NIPA2: variants seen among roughly 807,000 people sequenced by gnomAD.
NIPA2 encodes magnesium transporter NIPA2.
Under a neutral mutation model 29.7 loss-of-function variants are expected in NIPA2, and 11 were observed. The observed-to-expected ratio is 0.37, with a 90% CI of 0.23 to 0.61. NIPA2 has a LOEUF of 0.61. Ranked by LOEUF, NIPA2 falls within the 20% of genes least tolerant of loss-of-function variation. NIPA2 has a pLI of 0.66. For missense variants in NIPA2, 426 were observed against 437.9 expected (o/e 0.97, Z 0.24); for synonymous variants, 183 against 161.9 (o/e 1.13, Z -0.99).
At chr15:22,841,444 G>A (rs961646097) in intron 2 of NIPA2, among the ~76,000 whole-genome samples, 2 of 152,184 alleles carry the variant, frequency 1.3e-5, no homozygotes, top group African/African-American at 2.4e-5. Context: ...TAAATGGGTT[G>A]CAGATCTGTT....
intron 7 of NIPA2, among the ~76,000 whole-genome samples, chr15:22,861,612 A>T (rs547114464): frequency 1.3e-5 from 2 of 152,214 alleles, no homozygotes; most frequent in South Asian, 2.1e-4. Context: ...TTTATCCCTT[A>T]TCTTTTATAT....
rs947991198 is a variant in NIPA2 at position 22,866,662 on chromosome 15, A to G, written c.898A>G (p.Lys300Glu). The change falls in exon 8 of 8, where the codon AAA becomes GAA. Residue 300 changes from lysine to glutamate, a missense_variant. Physicochemically the swap from Lys to Glu is moderately conservative, Grantham distance 56. Transcript: ENST00000337451. The part of the protein sequence containing the change: ...IVGIFLLHAF[K>E]DVSFSLASLP... ...GGGGATATTCTTGTTGCATGCCTTTAAAGACGTCAGCTTTAGTCTAGCAAG... is the reference window on the plus strand; with the variant it reads ...GGGGATATTCTTGTTGCATGCCTTTGAAGACGTCAGCTTTAGTCTAGCAAG... The G allele has an allele frequency of 6.2e-6, 10 of 1,614,106 alleles. No individual in the cohort carries two copies. Among genetic ancestry groups the G allele is most frequent in the South Asian group, 1.1e-5 (1 of 91,086 alleles).
At chr15:22,858,990 A>G (rs748116237) in intron 6 of NIPA2, among the ~76,000 whole-genome samples, 8 of 152,118 alleles carry the variant, frequency 5.3e-5, no homozygotes, top group Non-Finnish European at 8.8e-5. Flanking sequence ...CCAGCCTAAC[A>G]TGGTAAAACC....
At chr15:22,862,049 C>CTCTCTTTTTT (rs1555387456) in intron 7 of NIPA2, among the ~76,000 whole-genome samples, 1 of 103,978 alleles carries the variant, frequency 9.6e-6, no homozygotes, top group Non-Finnish European at 1.8e-5. Flanking sequence ...ATGGGTCTCT[C>CTCTCTTTTTT]TTTTTTTTTT....
chr15:22,843,300 C>T (rs976683082), intron 2 of NIPA2, among the ~76,000 whole-genome samples: 4 of 151,878 alleles, frequency 2.6e-5, no homozygotes, highest in Non-Finnish European at 2.9e-5. Flanking sequence ...GTCAGGAGAT[C>T]GAGACCATCC....
chr15:22,860,908 TGTC>T (rs1247076187), intron 7 of NIPA2, 119 bp downstream of exon 7: 20 of 685,498 alleles, frequency 2.9e-5, no homozygotes, highest in East Asian at 5.9e-5. Flanking sequence ...AAGAACAAAT[TGTC>T]GTCATGTTCC....
rs770194298 is a variant in NIPA2 at position 22,851,670 on chromosome 15, C to T, written c.-62C>T. 1.7e-5 allele frequency: 24 copies of T among 1,419,788 alleles called. No homozygotes were observed. The highest frequency in any genetic ancestry group is 2.3e-5 in the Non-Finnish European group (24 of 1,036,994). 87.9% of individuals were successfully genotyped at this position (1,419,788 alleles called of 1,614,324 possible). On this transcript the variant is annotated 5_prime_UTR_variant, in exon 4 of 8. Coordinates refer to ENST00000337451, the MANE Select transcript of NIPA2 (RefSeq NM_030922.7). ...AGACTGCTTCATTCTGCCTCTAGTA[C>T]CAGCGGTTTCTCTGTTCTGTGATCA...
intron 4 of NIPA2, among the ~76,000 whole-genome samples, chr15:22,852,787 A>G (rs944809173): frequency 2.0e-5 from 3 of 152,166 alleles, no homozygotes; most frequent in African/African-American, 7.2e-5. Flanking sequence ...TCCTGGCTTC[A>G]TTTTTAGACC....
At chr15:22,853,122 G>C in intron 4 of NIPA2, 90 bp from the exon 5 acceptor site, 1 of 841,950 alleles carries the variant, frequency 1.2e-6, no homozygotes, top group Non-Finnish European at 2.0e-6. Context: ...GAGTAACTGA[G>C]ATATTTAAAA....
chr15:22,855,248 TAA>T (rs35274041), intron 5 of NIPA2, among the ~76,000 whole-genome samples: 5 of 148,446 alleles, frequency 3.4e-5, no homozygotes, highest in Non-Finnish European at 6.0e-5. Context: ...TCGTCTCTAG[TAA>T]AAAAAAAAAC....
At chr15:22,849,704 C>T (rs917324098) in intron 3 of NIPA2, among the ~76,000 whole-genome samples, 17 of 151,954 alleles carry the variant, frequency 1.1e-4, no homozygotes, top group African/African-American at 3.9e-4. Flanking sequence ...GAACTACAGG[C>T]GCCTGCCACC....
chr15:22,841,564 A>G (rs534258918), intron 2 of NIPA2, among the ~76,000 whole-genome samples: 1 of 152,094 alleles, frequency 6.6e-6, no homozygotes, highest in African/African-American at 2.4e-5. Context: ...GCTAGAGTGC[A>G]GCTGTGCGAT....
chr15:22,859,290 CTTTTTTTTTTTT>C (rs60644942), intron 6 of NIPA2, among the ~76,000 whole-genome samples: 2 of 97,342 alleles, frequency 2.1e-5, no homozygotes, highest in Admixed American at 1.3e-4. Flanking sequence ...ATTTCTTTTT[CTTTTTTTTTTTT>C]TTTTTTTTGA....
Position 22,867,395 on chromosome 15 carries a change from A to C in NIPA2, c.*548A>C. 4 of 386,144 alleles carry C rather than the reference A, an allele frequency of 1.0e-5. No individual in the cohort carries two copies. The highest frequency in any genetic ancestry group is 4.6e-6 in the Non-Finnish European group (1 of 219,240). 23.9% of individuals were successfully genotyped at this position (386,144 alleles called of 1,614,324 possible). A position where few individuals can be genotyped will look rare whatever the true frequency, so the allele number is the denominator to read the frequency against. Reference sequence around the variant, plus strand: ...GGAACCTCTTTCTTACAAAACAAAAAAAAGGGCAGAAATCACCCCAAGGAA... The same window carrying C: ...GGAACCTCTTTCTTACAAAACAAAACAAAGGGCAGAAATCACCCCAAGGAA... On this transcript the variant is annotated 3_prime_UTR_variant, in exon 8 of 8. Transcript: ENST00000337451.
In NIPA2 at chr15:22,866,532, T is replaced by C; in HGVS notation, c.768T>C (p.Phe256=). 6.2e-7 allele frequency: 1 copy of C among 1,613,968 alleles called. No homozygotes were observed. Among genetic ancestry groups the C allele is most frequent in the Non-Finnish European group, 8.5e-7 (1 of 1,179,804 alleles). The change falls in exon 8 of 8, where the codon TTT becomes TTC. Residue 256 remains phenylalanine, a synonymous_variant. Transcript: ENST00000337451. ...TGACTCCAATATATTATGTATTCTTTACAACATCAGTTTTAACTTGTTCAG... is the reference window on the plus strand; with the variant it reads ...TGACTCCAATATATTATGTATTCTTCACAACATCAGTTTTAACTTGTTCAG... The part of the protein sequence containing the change: ...SIVTPIYYVF[F]TTSVLTCSAI...
intron 7 of NIPA2, among the ~76,000 whole-genome samples, chr15:22,865,338 T>C (rs930980176): frequency 1.6e-4 from 25 of 151,836 alleles, no homozygotes; most frequent in African/African-American, 5.1e-4. Flanking sequence ...TACAAAAAAT[T>C]AGCTGGGCGT....
intron 7 of NIPA2, among the ~76,000 whole-genome samples, chr15:22,865,596 G>A (rs1226030868): frequency 2.0e-5 from 3 of 152,112 alleles, no homozygotes; most frequent in Non-Finnish European, 2.9e-5. Context: ...AATGCAGGTG[G>A]TAGTATCCGT....
intron 7 of NIPA2, among the ~76,000 whole-genome samples, chr15:22,864,006 A>G (rs2058794030): frequency 6.6e-6 from 1 of 151,986 alleles, no homozygotes. Flanking sequence ...TATTAATAAT[A>G]GTTTTTCTTG....
chr15:22,866,653 C>A lies in NIPA2; in HGVS notation c.889C>A (p.His297Asn). Residue 297 changes from histidine (H) to asparagine (N), a missense_variant, in exon 8 of 8, where the codon CAT becomes AAT. By Grantham distance (68) the His-to-Asn change is moderately conservative. Transcript: ENST00000337451. Reference protein sequence around the residue: ...FTIIVGIFLLHAFKDVSFSLA... With the variant: ...FTIIVGIFLLNAFKDVSFSLA... The stretch of plus-strand genomic sequence containing the variant: ...AATCATTGTGGGGATATTCTTGTTG[C>A]ATGCCTTTAAAGACGTCAGCTTTAG... 6.2e-7 allele frequency: 1 copy of A among 1,614,048 alleles called. No individual in the cohort carries two copies. Among genetic ancestry groups the A allele is most frequent in the Non-Finnish European group, 8.5e-7 (1 of 1,179,954 alleles).
Sources: gnomAD v4.1 joint callset for allele counts (sites outside exome capture counted in the v4.1 genomes callset) on GRCh38, gnomAD v4.1.1 for gene constraint, MANE v1.5 for transcripts, NCBI Gene and HGNC (gene_info 2026-07-23, HGNC 2026-07-21) for gene names.